CTNNA1: variants seen among roughly 807,000 people sequenced by gnomAD.
CTNNA1 encodes the protein catenin alpha 1.
In CTNNA1, 37 loss-of-function variants were observed where a neutral mutation model predicts 98.4. The observed-to-expected ratio is 0.38, with a 90% CI of 0.29 to 0.49. CTNNA1 has a LOEUF of 0.49. Among genes scored for constraint, CTNNA1 ranks in the 20% least tolerant of loss-of-function variants. CTNNA1 has a pLI of 0.95. For synonymous variants in CTNNA1, 404 were observed against 413.2 expected, an observed-to-expected ratio of 0.98 and a Z score of 0.27; for missense variants, 761 against 1,147.2, an observed-to-expected ratio of 0.66 and a Z score of 4.86.
At chr5:138,920,928 G>A (rs1479580498) in intron 11 of CTNNA1, among the ~76,000 whole-genome samples, 5 of 152,086 alleles carry the variant, frequency 3.3e-5, no homozygotes, top group Admixed American at 2.6e-4. Context: ...CCAAGACCCC[G>A]ATGCCAGCAT....
chr5:138,934,751 C>CTCTT lies in CTNNA1; in HGVS notation c.*666_*669dup, dbSNP rs1373517243. 1.3e-5 allele frequency: 2 copies of CTCTT among 152,340 alleles called. No individual in the cohort carries two copies. Among genetic ancestry groups the CTCTT allele is most frequent in the South Asian group, 4.1e-4 (2 of 4,830 alleles). 9.4% of individuals were successfully genotyped at this position (152,340 alleles called of 1,614,324 possible). ...CCATAATCAGAACACACTTTTTTTCCTCTTTCTCCCAGCTTCAAATGCAAA... is the reference window on the plus strand; with the variant it reads ...CCATAATCAGAACACACTTTTTTTCCTCTTTCTTTCTCCCAGCTTCAAATGCAAA... On this transcript the variant is annotated 3_prime_UTR_variant, in exon 18 of 18. Transcript: ENST00000302763.
chr5:138,770,966 C>A (rs1240137135), intron 1 of CTNNA1, among the ~76,000 whole-genome samples: 4 of 146,620 alleles, frequency 2.7e-5, no homozygotes, highest in Non-Finnish European at 4.5e-5. Flanking sequence ...AAAAAAAAAA[C>A]ACAAAAACAA....
intron 5 of CTNNA1, among the ~76,000 whole-genome samples, chr5:138,818,007 C>G (rs1759604436): frequency 6.6e-6 from 1 of 151,938 alleles, no homozygotes; most frequent in Non-Finnish European, 1.5e-5. Context: ...GAGCCTTAGC[C>G]CCGTCCCTGC....
Position 138,930,691 on chromosome 5 carries a change from G to T in CTNNA1, c.2192+37G>T, listed in dbSNP as rs764244445. The T allele has an allele frequency of 5.6e-6, 9 of 1,596,120 alleles. No individual in the cohort carries two copies. In the South Asian group the frequency reaches 1.0e-4, roughly 18 times the overall value. On this transcript the variant is annotated intron_variant, in intron 15 of 17. Coordinates refer to ENST00000302763, the MANE Select transcript of CTNNA1 (RefSeq NM_001903.5). Reference sequence around the variant, plus strand: ...CCCGGCCCCACCAGGCTGCACAGGGGCTACTTTCTTCCCCACAGGTCACCT... The same window carrying T: ...CCCGGCCCCACCAGGCTGCACAGGGTCTACTTTCTTCCCCACAGGTCACCT...
chr5:138,852,738 CCTT>C (rs1488484577), intron 7 of CTNNA1, among the ~76,000 whole-genome samples: 4 of 152,072 alleles, frequency 2.6e-5, no homozygotes, highest in Non-Finnish European at 5.9e-5. Context: ...TCTCCTCCCT[CCTT>C]CTACCCGCCT....
At chr5:138,872,649 A>G (rs1362877682) in intron 7 of CTNNA1, 3 of 169,432 alleles carry the variant, frequency 1.8e-5, no homozygotes, top group Admixed American at 1.2e-4. Context: ...ATTGATCTAT[A>G]TCTGTTTCTG....
intron 10 of CTNNA1, among the ~76,000 whole-genome samples, chr5:138,916,000 G>A (rs13188082): frequency 0.31 from 46,426 of 151,826 alleles, 7,354 homozygotes; most frequent in African/African-American, 0.37. Flanking sequence ...AGTGAGCTGA[G>A]ATCGCGCCAC....
At position 138,926,110 on chromosome 5, in the gene CTNNA1, C is replaced by T. The variant is rs574375242; in HGVS notation, c.1899+703C>T. On this transcript the variant is annotated intron_variant, in intron 13 of 17. Transcript: ENST00000302763. ...GCCATAGCTGTACCTCAGCTTTTGTCACTGCCTGCCATTGTCTTTGTCATC... is the reference window on the plus strand; with the variant it reads ...GCCATAGCTGTACCTCAGCTTTTGTTACTGCCTGCCATTGTCTTTGTCATC... Among the ~76,000 whole-genome samples, 5 of 152,310 alleles carry T rather than the reference C, an allele frequency of 3.3e-5. No individual in the cohort carries two copies. The East Asian group carries it at 9.6e-4, about 29-fold the overall frequency.
At chr5:138,926,935 T>TTAGTTGA (rs1764196244) in intron 13 of CTNNA1, among the ~76,000 whole-genome samples, 2 of 152,134 alleles carry the variant, frequency 1.3e-5, no homozygotes, top group East Asian at 1.9e-4. Context: ...GCAGCACATG[T>TTAGTTGA]TAGTTGATAG....
At chr5:138,912,762 A>G (rs1049903048) in intron 10 of CTNNA1, among the ~76,000 whole-genome samples, 1 of 152,026 alleles carries the variant, frequency 6.6e-6, no homozygotes. Flanking sequence ...TTAAAATTAT[A>G]TAAGTAAGAG....
intron 5 of CTNNA1, among the ~76,000 whole-genome samples, chr5:138,818,164 C>T (rs1354840861): frequency 1.4e-5 from 2 of 147,594 alleles, no homozygotes; most frequent in Non-Finnish European, 3.0e-5. Flanking sequence ...GGGTCTTGCT[C>T]TGTCGCCCAG....
chr5:138,878,981 G>A lies in CTNNA1; in HGVS notation c.1063-7231G>A, dbSNP rs142542331. Among the ~76,000 whole-genome samples, 214 of 152,150 alleles carry A rather than the reference G, an allele frequency of 1.4e-3. 1 individual carries two copies. Among genetic ancestry groups the A allele is most frequent in the African/African-American group, 5.0e-3 (208 of 41,496 alleles). On this transcript the variant is annotated intron_variant, in intron 7 of 17. Coordinates refer to ENST00000302763, the MANE Select transcript of CTNNA1 (RefSeq NM_001903.5). ...AATCCCAGCACTTTAGGAGGCTGAAGTGGGTGGAGCACGAGGTCAGGAGTT... is the reference window on the plus strand; with the variant it reads ...AATCCCAGCACTTTAGGAGGCTGAAATGGGTGGAGCACGAGGTCAGGAGTT...
intron 7 of CTNNA1, among the ~76,000 whole-genome samples, chr5:138,865,141 C>T (rs999741647): frequency 2.6e-5 from 4 of 152,154 alleles, no homozygotes; most frequent in African/African-American, 9.7e-5. Context: ...AAATTGTACT[C>T]CTCGTGTAGA....
At chr5:138,767,915 T>C (rs1753113975) in intron 1 of CTNNA1, among the ~76,000 whole-genome samples, 2 of 152,210 alleles carry the variant, frequency 1.3e-5, no homozygotes, top group South Asian at 2.1e-4. Context: ...AGGGTTAGCA[T>C]TGGCTCTCCC....
intron 1 of CTNNA1, chr5:138,753,711 G>C: frequency 3.1e-6 from 1 of 324,544 alleles, no homozygotes. Flanking sequence ...TTCCCCCGCA[G>C]GGCCCGAGTA....
At chr5:138,766,187 A>G (rs1392595498) in intron 1 of CTNNA1, among the ~76,000 whole-genome samples, 3 of 152,164 alleles carry the variant, frequency 2.0e-5, no homozygotes, top group East Asian at 3.8e-4. Context: ...CTGGGGGAAC[A>G]TGGTATGTTG....
rs1293153009 is a variant in CTNNA1, at chr5:138,934,356, C to CTTGT, written c.*269_*272dup. The stretch of plus-strand genomic sequence containing the variant: ...ATAACCAAAGAGAATCCCACATTAG[C>CTTGT]TTGTTAGTAATGCTCTGACCAAGCC... On this transcript the variant is annotated 3_prime_UTR_variant, in exon 18 of 18. Coordinates refer to ENST00000302763, the MANE Select transcript of CTNNA1 (RefSeq NM_001903.5). 1.2e-5 allele frequency: 5 copies of CTTGT among 432,678 alleles called. No homozygotes were observed. The highest frequency in any genetic ancestry group is 4.0e-5 in the African/African-American group (2 of 49,722). 26.8% of individuals were successfully genotyped at this position (432,678 alleles called of 1,614,324 possible).
At chr5:138,827,894 T>G (rs1276065636) in intron 7 of CTNNA1, 176 bp downstream of exon 7, 4 of 671,902 alleles carry the variant, frequency 6.0e-6, no homozygotes, top group Middle Eastern at 4.1e-4. Flanking sequence ...CTCTTTCCTC[T>G]CTCCAGCTTA....
intron 7 of CTNNA1, among the ~76,000 whole-genome samples, chr5:138,841,481 A>T (rs570202863): frequency 6.6e-6 from 1 of 152,200 alleles, no homozygotes; most frequent in Admixed American, 6.5e-5. Flanking sequence ...GCTGGTCTTG[A>T]ACTCCTGACC....
Sources: gnomAD v4.1 joint callset for allele counts (sites outside exome capture counted in the v4.1 genomes callset) on GRCh38, gnomAD v4.1.1 for gene constraint, MANE v1.5 for transcripts, NCBI Gene and HGNC (gene_info 2026-07-23, HGNC 2026-07-21) for gene names.